PSPH: variants seen among roughly 807,000 people sequenced by gnomAD.
PSPH encodes L-3-phosphoserine phosphatase.
A neutral mutation model predicts 23.4 loss-of-function variants in PSPH; 16 were observed. The ratio of observed to expected loss-of-function variants is 0.68; its 90% CI spans 0.46 to 1.04. The LOEUF (loss-of-function observed/expected upper bound fraction) is 1.04, where lower values mean the gene tolerates loss of function less well. Ranked by LOEUF, PSPH falls within the 50% of genes least tolerant of loss-of-function variation. The pLI is 0.00. For missense variants in PSPH, 223 were observed against 273.7 expected, an observed-to-expected ratio of 0.81 and a Z score of 1.31; for synonymous variants, 68 against 99.7, an observed-to-expected ratio of 0.68 and a Z score of 1.89.
At chr7:56,018,694 G>T (rs1455158275) in intron 5 of PSPH, among the ~76,000 whole-genome samples, 1 of 151,970 alleles carries the variant, frequency 6.6e-6, no homozygotes, top group Non-Finnish European at 1.5e-5. Context: ...GGGTATAGTG[G>T]CTCAAACCTA....
chr7:56,035,611 C>T (rs1332789102), intron 1 of PSPH, among the ~76,000 whole-genome samples: 1 of 152,074 alleles, frequency 6.6e-6, no homozygotes, highest in East Asian at 2.0e-4. Context: ...GGACCCTCCC[C>T]ACCAAAACAC....
At chr7:56,021,814 G>A (rs1455857430) in intron 3 of PSPH, among the ~76,000 whole-genome samples, 2 of 151,736 alleles carry the variant, frequency 1.3e-5, no homozygotes, top group Admixed American at 1.3e-4. Flanking sequence ...GCCGGGCGTG[G>A]TGGCAGGCGC....
chr7:56,031,828 T>G (rs1319944533), intron 3 of PSPH, 101 bp downstream of exon 3: 1 of 153,296 alleles, frequency 6.5e-6, no homozygotes, highest in African/African-American at 2.4e-5. Flanking sequence ...AAGAGTAAAC[T>G]GCTAGCAGAT....
In PSPH at chr7:56,015,134, A is replaced by AGCTGTTG. The variant is rs1562783131; in HGVS notation, c.452_458dup (p.Glu154AsnfsTer3). ...TCACTTTTCCTTTTCCACCAGATTCAGCTGTTGGCTGCGTCTCATCAAAAC... is the reference window on the plus strand; with the variant it reads ...TCACTTTTCCTTTTCCACCAGATTCAGCTGTTGGCTGTTGGCTGCGTCTCATCAAAAC... On this transcript the variant is annotated frameshift_variant, in exon 7 of 8. Coordinates refer to ENST00000275605, the MANE Select transcript of PSPH (RefSeq NM_004577.4). LOFTEE classifies it high-confidence loss of function. 1 of 1,614,082 alleles carries AGCTGTTG rather than the reference A, an allele frequency of 6.2e-7. No individual in the cohort carries two copies. Among genetic ancestry groups the AGCTGTTG allele is most frequent in the Non-Finnish European group, 8.5e-7 (1 of 1,180,016 alleles).
At chr7:56,029,390 C>A (rs914049148) in intron 3 of PSPH, among the ~76,000 whole-genome samples, 4 of 151,820 alleles carry the variant, frequency 2.6e-5, no homozygotes, top group Non-Finnish European at 5.9e-5. Flanking sequence ...CACAGCAGCT[C>A]CCAGGTCCCA....
intron 6 of PSPH, among the ~76,000 whole-genome samples, chr7:56,016,485 C>T (rs770079119): frequency 3.3e-5 from 5 of 151,592 alleles, no homozygotes; most frequent in African/African-American, 7.3e-5. Context: ...GCTGTGGCAC[C>T]GCTATGGACC....
intron 3 of PSPH, among the ~76,000 whole-genome samples, chr7:56,027,464 G>A (rs369528717): frequency 9.2e-5 from 14 of 151,968 alleles, no homozygotes; most frequent in Middle Eastern, 6.8e-3. Flanking sequence ...GGTGGCTCAC[G>A]CCTGTAATCC....
intron 1 of PSPH, among the ~76,000 whole-genome samples, chr7:56,039,089 G>A (rs1792130188): frequency 6.6e-6 from 1 of 150,832 alleles, no homozygotes; most frequent in Non-Finnish European, 1.5e-5. Flanking sequence ...CCCGGGAGGC[G>A]GAGACCTGTG....
intron 1 of PSPH, among the ~76,000 whole-genome samples, chr7:56,041,433 G>C (rs1436482436): frequency 6.6e-6 from 1 of 151,600 alleles, no homozygotes; most frequent in Admixed American, 6.6e-5. Flanking sequence ...GGATGGTCTC[G>C]ATCTCTTGAC....
intron 3 of PSPH, among the ~76,000 whole-genome samples, chr7:56,031,079 C>T (rs1305235215): frequency 3.3e-5 from 5 of 149,970 alleles, no homozygotes; most frequent in African/African-American, 4.9e-5. Flanking sequence ...GGCGCGGTGG[C>T]GGGCGCCTGT....
At chr7:56,037,912 CAT>C (rs987386845) in intron 1 of PSPH, among the ~76,000 whole-genome samples, 2 of 151,376 alleles carry the variant, frequency 1.3e-5, no homozygotes, top group Admixed American at 1.3e-4. Flanking sequence ...GGGGTTTCAC[CAT>C]GTTGGATAGG....
At chr7:56,035,642 C>T (rs1791629968) in intron 1 of PSPH, among the ~76,000 whole-genome samples, 1 of 151,932 alleles carries the variant, frequency 6.6e-6, no homozygotes, top group Non-Finnish European at 1.5e-5. Flanking sequence ...TCCCCCGAGA[C>T]TGAGTCTCAC....
At chr7:56,047,860 G>A (rs1231186347) in intron 1 of PSPH, among the ~76,000 whole-genome samples, 1 of 152,084 alleles carries the variant, frequency 6.6e-6, no homozygotes, top group African/African-American at 2.4e-5. Flanking sequence ...TAGAGACGGT[G>A]TTGCACCATG....
rs1789910073 is a variant in PSPH at position 56,024,499 on chromosome 7, A to C, written c.-19-3268T>G. ...AGTGGCTCACACCTGTAATTCTAGC[A>C]CTTTGGGAGGCTGAGGTGGGAGGAT... On this transcript the variant is annotated intron_variant, in intron 3 of 7. Coordinates refer to ENST00000275605, the MANE Select transcript of PSPH (RefSeq NM_004577.4). Among the ~76,000 whole-genome samples the C allele has an allele frequency of 2.6e-5, 4 of 152,172 alleles. No individual in the cohort carries two copies. The South Asian group carries it at 8.3e-4, about 32-fold the overall frequency.
chr7:56,039,058 G>A (rs557648784), intron 1 of PSPH, among the ~76,000 whole-genome samples: 8 of 150,524 alleles, frequency 5.3e-5, no homozygotes, highest in East Asian at 4.0e-4. Flanking sequence ...CAAGATAATC[G>A]CTTGAACCCG....
intron 7 of PSPH, among the ~76,000 whole-genome samples, chr7:56,013,088 CATAT>C (rs1172221925): frequency 8.5e-6 from 1 of 117,464 alleles, no homozygotes; most frequent in East Asian, 2.6e-4. Context: ...TATATACACA[CATAT>C]ATATACATAT....
At chr7:56,046,139 T>C (rs564974765) in intron 1 of PSPH, among the ~76,000 whole-genome samples, 2 of 152,052 alleles carry the variant, frequency 1.3e-5, no homozygotes, top group Admixed American at 1.3e-4. Flanking sequence ...TTTTTATTAT[T>C]TATTTATTAT....
chr7:56,023,541 G>A (rs1789758794), intron 3 of PSPH, among the ~76,000 whole-genome samples: 1 of 152,034 alleles, frequency 6.6e-6, no homozygotes, highest in Non-Finnish European at 1.5e-5. Flanking sequence ...GGGATTACAG[G>A]CATGAGCCCC....
At chr7:56,027,897 A>C (rs972541260) in intron 3 of PSPH, among the ~76,000 whole-genome samples, 2 of 150,190 alleles carry the variant, frequency 1.3e-5, no homozygotes, top group Non-Finnish European at 3.0e-5. Context: ...TAAAAAAAAA[A>C]AAAAAAAAAA....
Sources: allele counts gnomAD v4.1 joint callset (sites outside exome capture counted in the v4.1 genomes callset), GRCh38; gene constraint gnomAD v4.1.1; transcripts MANE v1.5; gene names NCBI Gene and HGNC (gene_info 2026-07-23, HGNC 2026-07-21).